The following CPAMD8 variants were observed in gnomAD, a reference collection of about 807,000 sequenced individuals.
The protein encoded by CPAMD8 is C3 and PZP-like alpha-2-macroglobulin domain-containing protein 8.
In CPAMD8, 146 loss-of-function variants were observed where a neutral mutation model predicts 224.7. The observed-to-expected ratio is 0.65, with a 90% confidence interval of 0.57 to 0.75. The LOEUF is 0.75. Among genes scored for constraint, CPAMD8 ranks in the 30% least tolerant of loss-of-function variants. The probability of loss-of-function intolerance (pLI) is 0.00; values close to 1 mark genes in which losing one functional copy is unlikely to be tolerated. For missense variants in CPAMD8, 2,301 were observed against 2,537.5 expected (o/e 0.91, Z 2.00); for synonymous variants, 966 against 1,044.6 (o/e 0.92, Z 1.45).
intron 13 of CPAMD8, among the ~76,000 whole-genome samples, chr19:16,987,513 G>GT (rs1483261897): frequency 1.3e-5 from 2 of 151,604 alleles, no homozygotes; most frequent in South Asian, 2.1e-4. Flanking sequence ...GCCTGCCAGC[G>GT]TAAGAAAATC....
chr19:16,982,551 T>C (rs1239910759), intron 13 of CPAMD8, among the ~76,000 whole-genome samples: 1 of 152,082 alleles, frequency 6.6e-6, no homozygotes, highest in East Asian at 1.9e-4. Flanking sequence ...AAGAAGAATG[T>C]CAGCTGAGTG....
intron 23 of CPAMD8, among the ~76,000 whole-genome samples, chr19:16,931,647 A>C (rs2053549283): frequency 6.6e-6 from 1 of 152,196 alleles, no homozygotes; most frequent in Non-Finnish European, 1.5e-5. Flanking sequence ...ACCTGGACCC[A>C]CTAACACTGG....
In CPAMD8 at chr19:16,899,910, T is replaced by C. The variant is rs2052181491; in HGVS notation, c.4774-361A>G. Among the ~76,000 whole-genome samples, 1 of 151,276 alleles carries C rather than the reference T, an allele frequency of 6.6e-6. No homozygotes were observed. Among genetic ancestry groups the C allele is most frequent in the African/African-American group, 2.4e-5 (1 of 41,148 alleles). On this transcript the variant is annotated intron_variant, in intron 36 of 41. Transcript: ENST00000443236. The surrounding 1 kb of genome is among the most constrained non-coding windows in gnomAD (Gnocchi z 5.4). ...CTCCCAGCCTGGGATTTTTTTTTTT[T>C]TTTCAGTTTTTGATTTAAAAAAATC...
intron 19 of CPAMD8, among the ~76,000 whole-genome samples, chr19:16,957,146 T>C (rs939681658): frequency 2.0e-5 from 3 of 152,148 alleles, no homozygotes; most frequent in African/African-American, 7.2e-5. Flanking sequence ...GATGAGGACA[T>C]ACACATCCCC....
Position 16,896,273 on chromosome 19 carries a change from C to A in CPAMD8, c.5329G>T (p.Val1777Leu), listed in dbSNP as rs1235035285. The A allele has an allele frequency of 6.2e-7, 1 of 1,613,300 alleles. No homozygotes were observed. The highest frequency in any genetic ancestry group is 1.1e-5 in the South Asian group (1 of 91,070). ...SSTYGDDLAS[V>L]APGPLQQDVK... ...TCCTGCTGTAAAGGCCCCGGGGCCA[C>A]AGAAGCCAGGTCATCCCCGTAGGTG... Residue 1777 changes from valine to leucine, a missense_variant, in exon 41 of 42, where the codon GTG (valine) becomes TTG (leucine). This residue lies in a region of CPAMD8 where 1,709 missense variants were observed against 1,753.2 expected (regional missense o/e 0.97). Coordinates refer to ENST00000443236, the MANE Select transcript of CPAMD8 (RefSeq NM_015692.5).
At chr19:16,916,902 A>G (rs1243562209) in intron 27 of CPAMD8, among the ~76,000 whole-genome samples, 1 of 151,872 alleles carries the variant, frequency 6.6e-6, no homozygotes, top group African/African-American at 2.4e-5. Flanking sequence ...GCTCATCCCC[A>G]CCCCATTACC....
At chr19:16,935,661 G>A (rs188472990) in intron 23 of CPAMD8, among the ~76,000 whole-genome samples, 17 of 152,240 alleles carry the variant, frequency 1.1e-4, no homozygotes, top group Admixed American at 8.5e-4. Flanking sequence ...AAGGACATCC[G>A]GGCTGTTTCC....
At chr19:16,923,831 C>T (rs1305157910) in intron 26 of CPAMD8, among the ~76,000 whole-genome samples, 1 of 152,134 alleles carries the variant, frequency 6.6e-6, no homozygotes, top group East Asian at 1.9e-4. Flanking sequence ...TGGTGCACAC[C>T]TGTAGTCCCA....
chr19:16,916,140 A>G (rs1441293408), intron 27 of CPAMD8, among the ~76,000 whole-genome samples: 2 of 152,008 alleles, frequency 1.3e-5, no homozygotes, highest in African/African-American at 4.8e-5. Flanking sequence ...CAGCCTCCCA[A>G]GTAGCTGGGA....
intron 11 of CPAMD8, among the ~76,000 whole-genome samples, chr19:16,995,544 G>T (rs542001323): frequency 6.6e-6 from 1 of 152,298 alleles, no homozygotes; most frequent in East Asian, 1.9e-4. Context: ...GGCATTACAG[G>T]TGTCCACCAT....
chr19:16,971,251 A>T, intron 17 of CPAMD8: 1 of 448,412 alleles, frequency 2.2e-6, no homozygotes, highest in Non-Finnish European at 3.9e-6. Flanking sequence ...CCCAGGCTGG[A>T]GTGCAGTGGC....
chr19:16,980,819 G>A, intron 13 of CPAMD8, 133 bp from the exon 14 acceptor site: 2 of 583,616 alleles, frequency 3.4e-6, no homozygotes, highest in Non-Finnish European at 5.8e-6. Context: ...TCCAGTCCTG[G>A]CCCCTAGCTT....
chr19:16,959,465 G>C (rs1206428156), intron 18 of CPAMD8, among the ~76,000 whole-genome samples: 1 of 151,930 alleles, frequency 6.6e-6, no homozygotes. Flanking sequence ...GTGGGCCACT[G>C]TGCCTGGCCT....
rs3067791 is a variant in CPAMD8, at chr19:16,990,863, C to CAAAAAA, written c.1267-1098_1267-1093dup. Among the ~76,000 whole-genome samples the CAAAAAA allele has an allele frequency of 7.5e-4, 55 of 73,128 alleles. 1 individual carries two copies. Among genetic ancestry groups the CAAAAAA allele is most frequent in the African/African-American group, 2.3e-3 (38 of 16,594 alleles). The allele number at this position is 73,128 out of a possible 152,430, so 48.0% of individuals were successfully genotyped here. A position where few individuals can be genotyped will look rare whatever the true frequency, so the allele number is the denominator to read the frequency against. Reference sequence around the variant, plus strand: ...GGGCAATAAGAGCAAAACTCTGTCTCAAAAAAAAAAAAAAAAAAAAAAAAA... The same window carrying CAAAAAA: ...GGGCAATAAGAGCAAAACTCTGTCTCAAAAAAAAAAAAAAAAAAAAAAAAAAAAAAA... On this transcript the variant is annotated intron_variant, in intron 12 of 41. Transcript: ENST00000443236.
At chr19:17,012,350 CTTTT>C (rs984597501) in intron 3 of CPAMD8, among the ~76,000 whole-genome samples, 10 of 74,342 alleles carry the variant, frequency 1.3e-4, no homozygotes, top group Non-Finnish European at 3.4e-5. Context: ...TTCTTTCTTT[CTTTT>C]TTTTTTTTTT....
intron 5 of CPAMD8, among the ~76,000 whole-genome samples, chr19:17,009,667 G>A (rs113926826): frequency 0.072 from 10,924 of 152,056 alleles, 456 homozygotes; most frequent in Non-Finnish European, 0.091. Context: ...CCAGCTACTC[G>A]GGAGGCTGAG....
At chr19:16,923,755 G>T (rs1447242710) in intron 26 of CPAMD8, among the ~76,000 whole-genome samples, 2 of 152,104 alleles carry the variant, frequency 1.3e-5, no homozygotes, top group Non-Finnish European at 2.9e-5. Context: ...CTTGAGGCCG[G>T]GAGTTCAAGA....
intron 19 of CPAMD8, among the ~76,000 whole-genome samples, chr19:16,952,475 C>T (rs1020060079): frequency 6.6e-6 from 1 of 152,076 alleles, no homozygotes; most frequent in Non-Finnish European, 1.5e-5. Flanking sequence ...CCAGGAGTTC[C>T]GGACCACCCT....
intron 32 of CPAMD8, 51 bp downstream of exon 32, chr19:16,904,175 G>GACCCCCCCCCCCCCCCCCCGAGCC: frequency 9.4e-7 from 1 of 1,060,418 alleles, no homozygotes; most frequent in Non-Finnish European, 1.4e-6. Flanking sequence ...GGACTGCAGG[G>GACCCCCCCCCCCCCCCCCCGAGCC]ACCCCACCCA....
Sources: gnomAD v4.1 joint callset for allele counts (sites outside exome capture counted in the v4.1 genomes callset) on GRCh38, gnomAD v4.1.1 for gene constraint, gnomAD v4.1.1 regional missense constraint, Gnocchi (gnomAD v3.1) non-coding constraint, MANE v1.5 for transcripts, NCBI Gene and HGNC (gene_info 2026-07-23, HGNC 2026-07-21) for gene names.